UST: variants seen among roughly 807,000 people sequenced by gnomAD.
The protein encoded by UST is uronyl 2-sulfotransferase.
In UST, 21 loss-of-function variants were observed where a neutral mutation model predicts 45.6. The ratio of observed to expected loss-of-function variants is 0.46; its 90% CI spans 0.33 to 0.66. The LOEUF is 0.66. Among genes scored for constraint, UST ranks in the 30% least tolerant of loss-of-function variants. The pLI is 0.02. For synonymous variants in UST, 215 were observed against 200.6 expected (o/e 1.07, Z -0.61); for missense variants, 463 against 512.4 (o/e 0.90, Z 0.93).
intron 5 of UST, among the ~76,000 whole-genome samples, chr6:148,997,028 A>G (rs1230110399): frequency 6.6e-6 from 1 of 152,218 alleles, no homozygotes; most frequent in Admixed American, 6.5e-5. Context: ...CAGATAATGA[A>G]CATAGTACCC....
In UST at chr6:148,964,511, A is replaced by G. The variant is rs1300542669; in HGVS notation, c.629A>G (p.Glu210Gly). Reference sequence around the variant, plus strand: ...CGTCGCTTTGGAGACTGGAGAGGGGAACAAAATCACATGATCCGCACCCCC... The same window carrying G: ...CGTCGCTTTGGAGACTGGAGAGGGGGACAAAATCACATGATCCGCACCCCC... ...FFRRFGDWRG[E>G]QNHMIRTPSM... The change falls in exon 5 of 8, where the codon GAA becomes GGA. Residue 210 changes from glutamate to glycine, a missense_variant. Around this residue, in one of 2 missense-constraint regions of UST, gnomAD observed 287 missense variants for 374.2 expected, o/e 0.77. Coordinates refer to ENST00000367463, the MANE Select transcript of UST (RefSeq NM_005715.3). 2 of 1,614,012 alleles carry G rather than the reference A, an allele frequency of 1.2e-6. No individual in the cohort carries two copies. The highest frequency in any genetic ancestry group is 1.7e-6 in the Non-Finnish European group (2 of 1,180,010).
intron 7 of UST, among the ~76,000 whole-genome samples, chr6:149,046,088 T>G (rs1449031394): frequency 4.6e-5 from 7 of 152,312 alleles, no homozygotes; most frequent in African/African-American, 1.4e-4. Flanking sequence ...GATTTTCCCT[T>G]CAAATCCATA....
chr6:148,993,826 T>C (rs369755066), intron 5 of UST, among the ~76,000 whole-genome samples: 2 of 152,176 alleles, frequency 1.3e-5, no homozygotes. Context: ...TCTGCCATGA[T>C]TGGAAGCTTG....
chr6:148,919,469 A>C (rs1779659748), intron 2 of UST, among the ~76,000 whole-genome samples: 1 of 151,926 alleles, frequency 6.6e-6, no homozygotes, highest in Non-Finnish European at 1.5e-5. Flanking sequence ...TAGGGGCTAC[A>C]AGTAGATGAC....
intron 2 of UST, among the ~76,000 whole-genome samples, chr6:148,921,729 G>A (rs1446020477): frequency 6.6e-6 from 1 of 152,126 alleles, no homozygotes; most frequent in Admixed American, 6.5e-5. Context: ...TGTGGGTTAT[G>A]GAAGCACAGG....
At chr6:148,855,136 A>G (rs1408340035) in intron 1 of UST, among the ~76,000 whole-genome samples, 3 of 151,984 alleles carry the variant, frequency 2.0e-5, no homozygotes, top group Non-Finnish European at 4.4e-5. Context: ...ACCCGCCCCC[A>G]TGATTCATTT....
intron 1 of UST, among the ~76,000 whole-genome samples, chr6:148,765,378 T>C (rs913759510): frequency 8.5e-5 from 13 of 152,230 alleles, no homozygotes; most frequent in African/African-American, 2.7e-4. Flanking sequence ...TCTTGTAGTA[T>C]AATTTGAATT....
intron 1 of UST, among the ~76,000 whole-genome samples, chr6:148,859,093 G>A (rs1229206796): frequency 6.6e-6 from 1 of 152,172 alleles, no homozygotes; most frequent in Non-Finnish European, 1.5e-5. Flanking sequence ...CACAATGGTT[G>A]AACTAGTTTA....
At chr6:148,925,438 C>CA (rs34272813) in intron 2 of UST, among the ~76,000 whole-genome samples, 22 of 150,270 alleles carry the variant, frequency 1.5e-4, no homozygotes, top group Non-Finnish European at 2.5e-4. Flanking sequence ...AAACTTTCTA[C>CA]AAAAAAAAAG....
At chr6:149,048,469 G>A (rs1240796710) in intron 7 of UST, among the ~76,000 whole-genome samples, 3 of 151,356 alleles carry the variant, frequency 2.0e-5, no homozygotes, top group African/African-American at 7.3e-5. Context: ...CTGGGGGGCA[G>A]AGGTTGTAGT....
intron 2 of UST, among the ~76,000 whole-genome samples, chr6:148,894,106 T>C (rs910292524): frequency 3.3e-5 from 5 of 152,082 alleles, no homozygotes; most frequent in Admixed American, 6.5e-5. Flanking sequence ...AATTGAGATA[T>C]GAACTGCTTT....
rs572848123 is a variant in UST, at chr6:148,758,416, AATAAAAAT to A, written c.247+10741_247+10748del. On this transcript the variant is annotated intron_variant, in intron 1 of 7. Coordinates refer to ENST00000367463, the MANE Select transcript of UST (RefSeq NM_005715.3). ...ACTTTTTTTGTTCCTGCATTCACAA[AATAAAAAT>A]AGCTGTGTGGAGGGAGTATGCTGGC... 1.3e-3 allele frequency among the ~76,000 whole-genome samples: 193 copies of A among 152,312 alleles called. 1 individual carries two copies. The highest frequency in any genetic ancestry group is 4.5e-3 in the African/African-American group (186 of 41,568).
intron 1 of UST, among the ~76,000 whole-genome samples, chr6:148,853,664 T>C (rs1012042978): frequency 6.6e-6 from 1 of 152,252 alleles, no homozygotes; most frequent in East Asian, 1.9e-4. Flanking sequence ...CTGACTGATA[T>C]GAGATGGTAT....
chr6:149,074,077 G>A lies in UST; in HGVS notation c.1182G>A (p.Gln394=). 6.2e-7 allele frequency: 1 copy of A among 1,614,196 alleles called. No homozygotes were observed. The highest frequency in any genetic ancestry group is 8.5e-7 in the Non-Finnish European group (1 of 1,180,028). Residue 394 remains glutamine (Q), a synonymous_variant, in exon 8 of 8, where the codon CAG becomes CAA. Transcript: ENST00000367463. ...AGGAGCCAATCGACGATGAAGAACAGGATGATGAAAAGTGGCTGGAAGATA... is the reference window on the plus strand; with the variant it reads ...AGGAGCCAATCGACGATGAAGAACAAGATGATGAAAAGTGGCTGGAAGATA... ...ETEEPIDDEE[Q]DDEKWLEDIY...
At chr6:148,982,299 A>C (rs1781153334) in intron 5 of UST, among the ~76,000 whole-genome samples, 1 of 152,078 alleles carries the variant, frequency 6.6e-6, no homozygotes, top group Non-Finnish European at 1.5e-5. Flanking sequence ...GGGTTGCTCC[A>C]TGTTGGCCAG....
intron 1 of UST, among the ~76,000 whole-genome samples, chr6:148,794,890 T>C (rs1776918909): frequency 6.6e-6 from 1 of 152,228 alleles, no homozygotes; most frequent in Non-Finnish European, 1.5e-5. Flanking sequence ...AAACACTCCT[T>C]TTCGTCTCTG....
chr6:148,920,858 T>C (rs751226547), intron 2 of UST, among the ~76,000 whole-genome samples: 2 of 152,226 alleles, frequency 1.3e-5, no homozygotes, highest in African/African-American at 2.4e-5. Flanking sequence ...ACTGGGACTC[T>C]TTAAGAGATG....
intron 2 of UST, among the ~76,000 whole-genome samples, chr6:148,924,731 A>G (rs962094994): frequency 6.6e-6 from 1 of 152,096 alleles, no homozygotes; most frequent in Non-Finnish European, 1.5e-5. Flanking sequence ...TCCCTTTCGG[A>G]GAAGAAACTT....
At position 148,890,534 on chromosome 6, in the gene UST, C is replaced by G. The variant is rs191567825; in HGVS notation, c.291+3505C>G. On this transcript the variant is annotated intron_variant, in intron 2 of 7. Coordinates refer to ENST00000367463, the MANE Select transcript of UST (RefSeq NM_005715.3). ...ATCTAGATAAAATAAGATTTTTAAA[C>G]CCTGAAAATATACTGACGTTACAGG... is the stretch of plus-strand genomic sequence containing the variant. 1.4e-4 allele frequency among the ~76,000 whole-genome samples: 22 copies of G among 152,270 alleles called. No individual in the cohort carries two copies. The East Asian group carries it at 4.2e-3, about 29-fold the overall frequency.
Sources: allele counts gnomAD v4.1 joint callset (sites outside exome capture counted in the v4.1 genomes callset), GRCh38; gene constraint gnomAD v4.1.1; regional missense constraint gnomAD v4.1.1; transcripts MANE v1.5; gene names NCBI Gene and HGNC (gene_info 2026-07-23, HGNC 2026-07-21).